CALN1: variants seen among roughly 807,000 people sequenced by gnomAD.
CALN1 encodes calcium-binding protein 8.
In CALN1, 17 loss-of-function variants were observed where a neutral mutation model predicts 30.6. That is an observed-to-expected ratio of 0.56 (90% confidence interval 0.38 to 0.83). The LOEUF (loss-of-function observed/expected upper bound fraction) is 0.83, where lower values mean the gene tolerates loss of function less well. Among genes scored for constraint, CALN1 ranks in the 40% least tolerant of loss-of-function variants. The probability of loss-of-function intolerance (pLI) is 0.00; values close to 1 mark genes in which losing one functional copy is unlikely to be tolerated. For missense variants in CALN1, 291 were observed against 354.9 expected, an observed-to-expected ratio of 0.82 and a Z score of 1.45; for synonymous variants, 156 against 131.4, an observed-to-expected ratio of 1.19 and a Z score of -1.28.
At chr7:72,149,495 C>A (rs1016443831) in intron 3 of CALN1, among the ~76,000 whole-genome samples, 3 of 151,542 alleles carry the variant, frequency 2.0e-5, no homozygotes, top group South Asian at 4.2e-4. Flanking sequence ...AATTAAAAAA[C>A]CCCTCTATTC....
intron 2 of CALN1, among the ~76,000 whole-genome samples, chr7:72,313,867 G>A (rs558413839): frequency 9.2e-5 from 14 of 152,310 alleles, no homozygotes; most frequent in Admixed American, 2.6e-4. Flanking sequence ...GGAAGGGAAG[G>A]GAGAGATTTC....
chr7:71,907,542 A>G (rs1173672061), intron 5 of CALN1, among the ~76,000 whole-genome samples: 1 of 152,198 alleles, frequency 6.6e-6, no homozygotes, highest in Non-Finnish European at 1.5e-5. Flanking sequence ...TTCCAATTTC[A>G]GTCCTTCCCC....
chr7:72,339,906 C>T (rs1279411537), intron 2 of CALN1, among the ~76,000 whole-genome samples: 1 of 152,132 alleles, frequency 6.6e-6, no homozygotes, highest in African/African-American at 2.4e-5. Flanking sequence ...ATTATGGGAG[C>T]TACAAGTCAA....
upstream of CALN1, among the ~76,000 whole-genome samples, chr7:72,449,272 C>T (rs554022231): frequency 6.6e-6 from 1 of 152,320 alleles, no homozygotes; most frequent in Non-Finnish European, 1.5e-5. Context: ...ATGCGGACGG[C>T]GCACTGCAGA....
At chr7:72,091,056 G>A (rs564004666) in intron 4 of CALN1, among the ~76,000 whole-genome samples, 3 of 152,220 alleles carry the variant, frequency 2.0e-5, no homozygotes, top group Admixed American at 6.5e-5. Context: ...GGCAGGGCGC[G>A]GTGGCTCATG....
intron 5 of CALN1, among the ~76,000 whole-genome samples, chr7:71,892,304 C>G (rs939351714): frequency 6.6e-6 from 1 of 152,088 alleles, no homozygotes; most frequent in Non-Finnish European, 1.5e-5. Context: ...CTGCTTTTTG[C>G]TTACCTAACT....
chr7:72,333,691 G>GA (rs5884885), intron 2 of CALN1, among the ~76,000 whole-genome samples: 2,311 of 107,744 alleles, frequency 0.021, 61 homozygotes, highest in African/African-American at 0.071. Flanking sequence ...GGAATATGCA[G>GA]AAAAAAAAAA....
rs373903259 is a variant in CALN1, at chr7:71,843,887, G to A, written c.502-33395C>T. ...AAATCTGCACACAGATGGCGTTAGA[G>A]ATTCTACATAGTGTGCTTGATTTTC... On this transcript the variant is annotated intron_variant, in intron 5 of 6. Transcript: ENST00000395275. Among the ~76,000 whole-genome samples the A allele has an allele frequency of 3.9e-5, 6 of 152,096 alleles. No individual in the cohort carries two copies. The South Asian group carries it at 1.0e-3, about 26-fold the overall frequency.
At chr7:71,808,601 T>G (rs1005625758) in intron 6 of CALN1, among the ~76,000 whole-genome samples, 6 of 152,220 alleles carry the variant, frequency 3.9e-5, no homozygotes, top group Middle Eastern at 3.4e-3. Context: ...TTTTGAGAAA[T>G]AAAAAGGCCT....
At chr7:72,306,104 T>TATC (rs1799631636) in intron 2 of CALN1, among the ~76,000 whole-genome samples, 1 of 152,180 alleles carries the variant, frequency 6.6e-6, no homozygotes, top group South Asian at 2.1e-4. Flanking sequence ...TAACCTTGTA[T>TATC]ATCATGACTT....
intron 6 of CALN1, among the ~76,000 whole-genome samples, chr7:71,798,478 A>G (rs1482310945): frequency 6.6e-6 from 1 of 151,870 alleles, no homozygotes; most frequent in African/African-American, 2.4e-5. Context: ...TAATTTTTTA[A>G]AAAACTTTTT....
intron 5 of CALN1, among the ~76,000 whole-genome samples, chr7:71,936,662 CCT>C (rs887053525): frequency 1.3e-5 from 2 of 152,108 alleles, no homozygotes; most frequent in East Asian, 1.9e-4. Context: ...TTCCCCAACC[CCT>C]GTTATCTACT....
At chr7:72,037,852 C>A (rs1183142250) in intron 4 of CALN1, among the ~76,000 whole-genome samples, 1 of 152,200 alleles carries the variant, frequency 6.6e-6, no homozygotes, top group Non-Finnish European at 1.5e-5. Flanking sequence ...TTCCCTGGGC[C>A]TGTGTAGTCA....
intron 2 of CALN1, among the ~76,000 whole-genome samples, chr7:72,317,550 T>A (rs1330907705): frequency 6.6e-6 from 1 of 152,114 alleles, no homozygotes; most frequent in Non-Finnish European, 1.5e-5. Flanking sequence ...TCTGGTAGGA[T>A]GGGACAGCTG....
chr7:72,180,298 C>T (rs1789672748), intron 3 of CALN1, among the ~76,000 whole-genome samples: 1 of 152,208 alleles, frequency 6.6e-6, no homozygotes, highest in Non-Finnish European at 1.5e-5. Context: ...GGACCCCACC[C>T]TACCTAGATA....
intron 5 of CALN1, among the ~76,000 whole-genome samples, chr7:71,925,891 C>T (rs1005915921): frequency 1.3e-5 from 2 of 151,752 alleles, no homozygotes; most frequent in East Asian, 3.9e-4. Context: ...TCTCTCTCTG[C>T]GGCCCAGGCT....
chr7:72,473,778 C>G, the CALN1 span, among the ~76,000 whole-genome samples: 1 of 151,690 alleles, frequency 6.6e-6, no homozygotes, highest in African/African-American at 2.4e-5. Flanking sequence ...ACCAAAAATA[C>G]AAAAAATTAG....
intron 5 of CALN1, among the ~76,000 whole-genome samples, chr7:71,918,279 A>G (rs1794778820): frequency 6.6e-6 from 1 of 152,212 alleles, no homozygotes; most frequent in African/African-American, 2.4e-5. Flanking sequence ...ATCCACCTGA[A>G]GACTCTCGAA....
At chr7:72,104,680 C>T (rs1458227536) in intron 4 of CALN1, among the ~76,000 whole-genome samples, 3 of 152,052 alleles carry the variant, frequency 2.0e-5, no homozygotes, top group Non-Finnish European at 4.4e-5. Flanking sequence ...CAATTTAGGC[C>T]GGGCGCGCTG....
Sources: allele counts gnomAD v4.1 joint callset (sites outside exome capture counted in the v4.1 genomes callset), GRCh38; gene constraint gnomAD v4.1.1; transcripts MANE v1.5; gene names NCBI Gene and HGNC (gene_info 2026-07-23, HGNC 2026-07-21).